The following MSRA variants were observed in gnomAD, a reference collection of about 807,000 sequenced individuals.
MSRA encodes the protein methionine sulfoxide reductase A, also known as mitochondrial peptide methionine sulfoxide reductase.
In MSRA, 54 loss-of-function variants were observed where a neutral mutation model predicts 31.3. That is an observed-to-expected ratio of 1.73 (90% CI 1.39 to 2.17). The LOEUF (loss-of-function observed/expected upper bound fraction) is 2.17, where lower values mean the gene tolerates loss of function less well. Among genes scored for constraint, MSRA ranks in the 30% most tolerant of loss-of-function variants. MSRA has a pLI of 0.00. For missense variants in MSRA, 507 were observed against 300.9 expected, an observed-to-expected ratio of 1.69 and a Z score of -5.07; for synonymous variants, 169 against 116.5, an observed-to-expected ratio of 1.45 and a Z score of -2.90.
intron 4 of MSRA, among the ~76,000 whole-genome samples, chr8:10,309,301 G>A (rs1189361964): frequency 1.3e-5 from 2 of 152,278 alleles, no homozygotes; most frequent in African/African-American, 4.8e-5. Context: ...CTCAGTGTCG[G>A]GGCGCACACG....
rs182423354 is a variant in MSRA at position 10,224,207 on chromosome 8, G to A, written c.211+16306G>A. On this transcript the variant is annotated intron_variant, in intron 2 of 5. Coordinates refer to ENST00000317173, the MANE Select transcript of MSRA (RefSeq NM_012331.5). Reference sequence around the variant, plus strand: ...CTTTTTGTGGTTATCTGGTGTCACCGTTCACCCACTTAGCTATAAACCAGA... The same window carrying A: ...CTTTTTGTGGTTATCTGGTGTCACCATTCACCCACTTAGCTATAAACCAGA... 1.5e-3 allele frequency among the ~76,000 whole-genome samples: 233 copies of A among 152,246 alleles called. 1 individual carries two copies. Among genetic ancestry groups the A allele is most frequent in the African/African-American group, 5.2e-3 (214 of 41,542 alleles).
intron 4 of MSRA, among the ~76,000 whole-genome samples, chr8:10,317,623 G>A (rs557026178): frequency 2.6e-5 from 4 of 152,296 alleles, no homozygotes; most frequent in Admixed American, 6.5e-5. Flanking sequence ...GAGTACTATG[G>A]AAGCATTTTA....
At chr8:10,234,492 C>T (rs1187021253) in intron 2 of MSRA, among the ~76,000 whole-genome samples, 1 of 150,762 alleles carries the variant, frequency 6.6e-6, no homozygotes, top group South Asian at 2.1e-4. Flanking sequence ...GGCCAAGGGT[C>T]AAAGGCAGTC....
chr8:10,149,472 C>T (rs890154404), intron 1 of MSRA, among the ~76,000 whole-genome samples: 4 of 152,222 alleles, frequency 2.6e-5, no homozygotes, highest in Non-Finnish European at 5.9e-5. Flanking sequence ...CTGCCCAGGC[C>T]CCTCCAGGGC....
chr8:10,145,904 A>T (rs937491901), intron 1 of MSRA, among the ~76,000 whole-genome samples: 13 of 152,208 alleles, frequency 8.5e-5, no homozygotes, highest in African/African-American at 3.1e-4. Flanking sequence ...CATTACTATT[A>T]TTAAGGGAAA....
chr8:10,123,761 C>A (rs1801295752), intron 1 of MSRA, among the ~76,000 whole-genome samples: 1 of 152,034 alleles, frequency 6.6e-6, no homozygotes, highest in African/African-American at 2.4e-5. Flanking sequence ...GGAGTCCTTT[C>A]CTCATTGCTT....
In MSRA at chr8:10,163,367, G is replaced by A. The variant is rs112134229; in HGVS notation, c.143-44466G>A. On this transcript the variant is annotated intron_variant, in intron 1 of 5. Transcript: ENST00000317173. ...TTCCATTGTCTTCTCTTTCTAAACG[G>A]CACCCACCTTATGGGCTGCTATGAG... 5.4e-3 allele frequency among the ~76,000 whole-genome samples: 818 copies of A among 152,256 alleles called. 7 individuals are homozygous for A. The highest frequency in any genetic ancestry group is 0.019 in the African/African-American group (774 of 41,554).
intron 2 of MSRA, among the ~76,000 whole-genome samples, chr8:10,222,790 G>C (rs772577377): frequency 5.9e-5 from 9 of 152,156 alleles, no homozygotes; most frequent in Non-Finnish European, 1.3e-4. Flanking sequence ...TAGAAAAGTC[G>C]AACTCATCAA....
At chr8:10,172,838 G>T (rs201475931) in intron 1 of MSRA, among the ~76,000 whole-genome samples, 5 of 152,178 alleles carry the variant, frequency 3.3e-5, no homozygotes, top group Admixed American at 2.6e-4. Flanking sequence ...ACCAAGAACC[G>T]ATTATGTGCC....
At chr8:10,403,815 G>T (rs867565797) in intron 5 of MSRA, among the ~76,000 whole-genome samples, 1 of 152,228 alleles carries the variant, frequency 6.6e-6, no homozygotes, top group African/African-American at 2.4e-5. Flanking sequence ...TGCATGCCCA[G>T]GCCGTGTGTC....
intron 5 of MSRA, among the ~76,000 whole-genome samples, chr8:10,349,454 G>C (rs1310840685): frequency 6.6e-6 from 1 of 152,090 alleles, no homozygotes; most frequent in Admixed American, 6.5e-5. Flanking sequence ...TGAAAACCCT[G>C]ACTCTTCTGT....
chr8:10,114,253 T>A (rs940980785), intron 1 of MSRA, among the ~76,000 whole-genome samples: 1 of 152,218 alleles, frequency 6.6e-6, no homozygotes. Flanking sequence ...TACTATTGGG[T>A]TGTTTTTAGT....
chr8:10,102,599 C>G (rs1162078920), intron 1 of MSRA, among the ~76,000 whole-genome samples: 1 of 152,174 alleles, frequency 6.6e-6, no homozygotes, highest in Non-Finnish European at 1.5e-5. Flanking sequence ...ATGTTGGCAT[C>G]TCTTGACTGT....
intron 5 of MSRA, among the ~76,000 whole-genome samples, chr8:10,350,343 G>A (rs770827274): frequency 7.2e-5 from 11 of 152,216 alleles, no homozygotes; most frequent in Non-Finnish European, 1.5e-4. Flanking sequence ...GTCTTCGGCC[G>A]CTGCATGCAG....
chr8:10,142,625 A>C (rs1351980709), intron 1 of MSRA, among the ~76,000 whole-genome samples: 1 of 152,162 alleles, frequency 6.6e-6, no homozygotes, highest in Non-Finnish European at 1.5e-5. Context: ...TCCAATCTTT[A>C]GTCTCTTTAG....
intron 3 of MSRA, among the ~76,000 whole-genome samples, chr8:10,266,481 C>T (rs1798753985): frequency 6.6e-6 from 1 of 152,158 alleles, no homozygotes; most frequent in East Asian, 1.9e-4. Flanking sequence ...ATTCTGGAAA[C>T]AAGTCCTTTA....
chr8:10,183,734 C>T (rs908822802), intron 1 of MSRA, among the ~76,000 whole-genome samples: 1 of 149,252 alleles, frequency 6.7e-6, no homozygotes, highest in Non-Finnish European at 1.5e-5. Context: ...TCTCTGCGAG[C>T]TAAAGAGGAC....
chr8:10,283,832 T>TACACACACACACACACAC (rs1338639680), intron 3 of MSRA, among the ~76,000 whole-genome samples: 41 of 65,314 alleles, frequency 6.3e-4, no homozygotes, highest in Non-Finnish European at 1.1e-3. Flanking sequence ...TATATATATA[T>TACACACACACACACACAC]ATATACACAC....
intron 3 of MSRA, among the ~76,000 whole-genome samples, chr8:10,249,834 C>T (rs577508332): frequency 6.6e-6 from 1 of 152,328 alleles, no homozygotes; most frequent in East Asian, 1.9e-4. Context: ...CTGTTTCCTA[C>T]AAGCTCAGCA....
Sources: gnomAD v4.1 joint callset for allele counts (sites outside exome capture counted in the v4.1 genomes callset) on GRCh38, gnomAD v4.1.1 for gene constraint, MANE v1.5 for transcripts, NCBI Gene and HGNC (gene_info 2026-07-23, HGNC 2026-07-21) for gene names.